Variants in DAW1 observed in about 807,000 individuals in gnomAD.
The protein encoded by DAW1 is dynein assembly factor with WD repeat domains 1.
DAW1 carries 47 observed loss-of-function variants against 56.5 expected under a neutral mutation model. The observed-to-expected ratio is 0.83, with a 90% CI of 0.66 to 1.06. The LOEUF (loss-of-function observed/expected upper bound fraction) is 1.06, where lower values mean the gene tolerates loss of function less well. DAW1 is among the 50% of genes least tolerant of loss of function. The pLI is 0.00. For synonymous variants in DAW1, 190 were observed against 179.0 expected (o/e 1.06, Z -0.49); for missense variants, 505 against 499.3 (o/e 1.01, Z -0.11).
intron 2 of DAW1, chr2:227,887,611 T>C (rs1691161838): frequency 6.6e-6 from 1 of 152,332 alleles, no homozygotes; most frequent in African/African-American, 2.4e-5. Context: ...GATTTTTATA[T>C]CTAAGAAGTA....
chr2:227,876,599 TC>T, intron 1 of DAW1: 1 of 905,482 alleles, frequency 1.1e-6, no homozygotes, highest in Non-Finnish European at 1.5e-6. Flanking sequence ...TTGTTTTGCC[TC>T]CTAATCCTCT....
At position 227,883,707 on chromosome 2, in the gene DAW1, G is replaced by A. The variant is rs10182929; in HGVS notation, c.41-1644G>A. The stretch of plus-strand genomic sequence containing the variant: ...TAGCAGAAGCTTGAATGCAGAAGCA[G>A]AGATGAGAATCCATTGTCTTAAGCC... On this transcript the variant is annotated intron_variant, in intron 1 of 12. Coordinates refer to ENST00000309931, the MANE Select transcript of DAW1 (RefSeq NM_178821.3). 9.0e-3 allele frequency among the ~76,000 whole-genome samples: 1,367 copies of A among 152,288 alleles called. 19 individuals are homozygous for A. Among genetic ancestry groups the A allele is most frequent in the African/African-American group, 0.031 (1,280 of 41,558 alleles).
intron 10 of DAW1, chr2:227,912,279 C>T (rs781214883): frequency 7.5e-6 from 6 of 795,966 alleles, no homozygotes; most frequent in Non-Finnish European, 7.6e-6. Flanking sequence ...GTCGCCCAGG[C>T]TGGAGTGCAG....
At chr2:227,880,551 C>T (rs1191349780) in intron 1 of DAW1, among the ~76,000 whole-genome samples, 1 of 152,184 alleles carries the variant, frequency 6.6e-6, no homozygotes, top group African/African-American at 2.4e-5. Flanking sequence ...GCCAAACTAT[C>T]CTCTAACTAG....
At chr2:227,917,193 T>C (rs1691974265) in intron 10 of DAW1, among the ~76,000 whole-genome samples, 1 of 151,980 alleles carries the variant, frequency 6.6e-6, no homozygotes, top group Non-Finnish European at 1.5e-5. Context: ...TCTATGTATC[T>C]ATCCATCTAT....
At chr2:227,923,727 A>G (rs1692160793) in intron 12 of DAW1, among the ~76,000 whole-genome samples, 1 of 151,854 alleles carries the variant, frequency 6.6e-6, no homozygotes, top group Non-Finnish European at 1.5e-5. Flanking sequence ...TGCTTAATTT[A>G]CAACTAGCTG....
intron 9 of DAW1, 135 bp from the exon 10 acceptor site, chr2:227,907,003 C>A: frequency 6.8e-6 from 4 of 588,050 alleles, no homozygotes; most frequent in Non-Finnish European, 1.2e-5. Context: ...ACTGAACATG[C>A]ATGAATTACA....
intron 6 of DAW1, 37 bp from the exon 7 acceptor site, chr2:227,902,965 T>G (rs775695599): frequency 6.3e-7 from 1 of 1,593,462 alleles, no homozygotes; most frequent in Admixed American, 1.7e-5. Flanking sequence ...TTTGAAACTC[T>G]GTCTTCCTAA....
chr2:227,873,225 A>C (rs1012859513), intron 1 of DAW1, among the ~76,000 whole-genome samples: 2 of 152,188 alleles, frequency 1.3e-5, no homozygotes, highest in Non-Finnish European at 2.9e-5. Flanking sequence ...TACCTATTCA[A>C]AGTAGCCTGC....
At chr2:227,894,195 G>A (rs1174517875) in intron 5 of DAW1, among the ~76,000 whole-genome samples, 3 of 152,098 alleles carry the variant, frequency 2.0e-5, no homozygotes, top group African/African-American at 7.2e-5. Context: ...GAGCTCAGGA[G>A]TTTGAGACCA....
chr2:227,890,876 A>G (rs1691246088), intron 3 of DAW1, among the ~76,000 whole-genome samples: 2 of 152,254 alleles, frequency 1.3e-5, no homozygotes, highest in South Asian at 4.1e-4. Context: ...TATGCATTCA[A>G]TAAATATTCA....
intron 7 of DAW1, among the ~76,000 whole-genome samples, chr2:227,903,435 G>T (rs1242624825): frequency 6.6e-6 from 1 of 152,208 alleles, no homozygotes; most frequent in Non-Finnish European, 1.5e-5. Flanking sequence ...CATGACAAGA[G>T]AATCCTTAGA....
At chr2:227,918,122 C>CTCCATCCATCCATCCA (rs368790108) in intron 10 of DAW1, among the ~76,000 whole-genome samples, 1 of 97,320 alleles carries the variant, frequency 1.0e-5, no homozygotes, top group Non-Finnish European at 2.4e-5. Context: ...CCATCCATTT[C>CTCCATCCATCCATCCA]TCCATCCATC....
chr2:227,891,338 T>G (rs1422435321), intron 4 of DAW1, 25 bp downstream of exon 4: 2 of 1,591,952 alleles, frequency 1.3e-6, no homozygotes, highest in Non-Finnish European at 1.7e-6. Flanking sequence ...TTATGTCTAA[T>G]TTTTAGCAGT....
intron 4 of DAW1, among the ~76,000 whole-genome samples, chr2:227,893,038 G>T (rs972519943): frequency 6.6e-6 from 1 of 151,946 alleles, no homozygotes; most frequent in African/African-American, 2.4e-5. Flanking sequence ...GGGAGGCCGA[G>T]GTGGGCAGAT....
intron 12 of DAW1, among the ~76,000 whole-genome samples, chr2:227,922,104 G>C (rs1356231423): frequency 2.0e-5 from 3 of 152,230 alleles, no homozygotes; most frequent in African/African-American, 7.2e-5. Flanking sequence ...AGTGAGCTAT[G>C]ATCAGGCCAC....
chr2:227,907,098 A>G (rs1006422927), intron 9 of DAW1, 40 bp from the exon 10 acceptor site: 1 of 1,440,446 alleles, frequency 6.9e-7, no homozygotes, highest in Non-Finnish European at 9.6e-7. Context: ...ACAGAAAGTC[A>G]TAGTCTTTTT....
At chr2:227,887,163 C>T (rs1205531647) in intron 2 of DAW1, among the ~76,000 whole-genome samples, 1 of 152,112 alleles carries the variant, frequency 6.6e-6, no homozygotes, top group African/African-American at 2.4e-5. Flanking sequence ...ATTTCGGGTG[C>T]TTGGCACAAA....
chr2:227,918,691 G>T, intron 10 of DAW1, 89 bp from the exon 11 acceptor site: 1 of 1,388,262 alleles, frequency 7.2e-7, no homozygotes, highest in Non-Finnish European at 1.0e-6. Flanking sequence ...CGTGTGTCAG[G>T]GGGATATATA....
Sources: gnomAD v4.1 joint callset for allele counts (sites outside exome capture counted in the v4.1 genomes callset) on GRCh38, gnomAD v4.1.1 for gene constraint, MANE v1.5 for transcripts, NCBI Gene and HGNC (gene_info 2026-07-23, HGNC 2026-07-21) for gene names.